ATP6V1H: variants seen among roughly 807,000 people sequenced by gnomAD.
The protein encoded by ATP6V1H is ATPase H+ transporting V1 subunit H.
In ATP6V1H, 39 loss-of-function variants were observed where a neutral mutation model predicts 71.7. The observed-to-expected ratio is 0.54, with a 90% CI of 0.42 to 0.71. The LOEUF (loss-of-function observed/expected upper bound fraction) is 0.71. Ranked by LOEUF, ATP6V1H falls within the 30% of genes least tolerant of loss-of-function variation. ATP6V1H has a pLI of 0.00. For synonymous variants in ATP6V1H, 192 were observed against 199.3 expected, an observed-to-expected ratio of 0.96 and a Z score of 0.31; for missense variants, 509 against 594.9, an observed-to-expected ratio of 0.86 and a Z score of 1.50.
intron 9 of ATP6V1H, among the ~76,000 whole-genome samples, chr8:53,778,447 T>C (rs1808970268): frequency 6.6e-6 from 1 of 152,214 alleles, no homozygotes; most frequent in Admixed American, 6.5e-5. Context: ...TATATAACTG[T>C]ATTTTTGTAC....
intron 9 of ATP6V1H, among the ~76,000 whole-genome samples, chr8:53,795,437 C>T (rs1036006916): frequency 6.6e-6 from 1 of 152,184 alleles, no homozygotes; most frequent in African/African-American, 2.4e-5. Context: ...CTGTAACTCA[C>T]AGATTTCATT....
intron 13 of ATP6V1H, among the ~76,000 whole-genome samples, chr8:53,721,949 G>A (rs1204145864): frequency 1.3e-5 from 2 of 152,176 alleles, no homozygotes; most frequent in South Asian, 2.1e-4. Flanking sequence ...AAGTCTATTC[G>A]AGTCTATTTA....
chr8:53,792,330 A>T (rs958877840), intron 9 of ATP6V1H, among the ~76,000 whole-genome samples: 1 of 152,224 alleles, frequency 6.6e-6, no homozygotes, highest in Non-Finnish European at 1.5e-5. Context: ...TGCCCAGCCC[A>T]ACACCTGGTC....
intron 7 of ATP6V1H, among the ~76,000 whole-genome samples, chr8:53,804,433 C>T (rs1055207327): frequency 8.5e-5 from 13 of 152,126 alleles, no homozygotes; most frequent in African/African-American, 2.7e-4. Context: ...CCAGCACTTT[C>T]GGAGGCCGAG....
At chr8:53,818,306 G>A (rs1810519331) in intron 4 of ATP6V1H, among the ~76,000 whole-genome samples, 1 of 152,062 alleles carries the variant, frequency 6.6e-6, no homozygotes, top group Non-Finnish European at 1.5e-5. Context: ...TCGAGAACAG[G>A]TGGTATTTGT....
At chr8:53,781,657 G>A (rs1333676109) in intron 9 of ATP6V1H, among the ~76,000 whole-genome samples, 2 of 151,842 alleles carry the variant, frequency 1.3e-5, no homozygotes, top group African/African-American at 4.8e-5. Context: ...TTTCTTCTAG[G>A]GTTTTTATGG....
rs944269842 is a variant in ATP6V1H, at chr8:53,829,436, ATACC to A, written c.306+4_306+7del. The A allele has an allele frequency of 3.1e-6, 5 of 1,587,478 alleles. No homozygotes were observed. Among genetic ancestry groups the A allele is most frequent in the Non-Finnish European group, 4.3e-6 (5 of 1,161,336 alleles). On this transcript the variant is annotated splice_donor_5th_base_variant and intron_variant, in intron 4 of 13. Transcript: ENST00000359530. ...TCACCAAATGTGTTAAGTAAAGAAT[ATACC>A]TACCTGCAGCATATCATCCACCATA...
chr8:53,787,475 C>T (rs1180374418), intron 9 of ATP6V1H, among the ~76,000 whole-genome samples: 1 of 152,184 alleles, frequency 6.6e-6, no homozygotes, highest in Non-Finnish European at 1.5e-5. Context: ...AGTGAGTATA[C>T]ATGTGTAGAT....
At chr8:53,716,140 T>C in intron 13 of ATP6V1H, 116 bp from the exon 14 acceptor site, 1 of 748,462 alleles carries the variant, frequency 1.3e-6, no homozygotes, top group Non-Finnish European at 2.1e-6. Context: ...CAAAAATAAC[T>C]AAAAAGTCCT....
intron 2 of ATP6V1H, chr8:53,839,510 C>G (rs1317921049): frequency 1.3e-6 from 1 of 757,008 alleles, no homozygotes; most frequent in African/African-American, 1.9e-5. Context: ...CTTTCACCCC[C>G]ACACACCAAA....
intron 2 of ATP6V1H, among the ~76,000 whole-genome samples, chr8:53,837,225 A>G (rs1811186488): frequency 6.6e-6 from 1 of 152,172 alleles, no homozygotes; most frequent in African/African-American, 2.4e-5. Context: ...ATAGGATGTT[A>G]GTTACCAAGC....
intron 2 of ATP6V1H, among the ~76,000 whole-genome samples, chr8:53,840,898 TATAG>T (rs1239925759): frequency 6.6e-6 from 1 of 152,204 alleles, no homozygotes; most frequent in Non-Finnish European, 1.5e-5. Flanking sequence ...ATGCTCACTT[TATAG>T]ATAAATACAA....
intron 12 of ATP6V1H, among the ~76,000 whole-genome samples, chr8:53,748,562 C>T (rs1807686238): frequency 6.6e-6 from 1 of 152,064 alleles, no homozygotes; most frequent in African/African-American, 2.4e-5. Flanking sequence ...AGCATGTGTA[C>T]CTATACATAG....
chr8:53,719,592 G>A (rs1806546668), intron 13 of ATP6V1H, among the ~76,000 whole-genome samples: 1 of 152,200 alleles, frequency 6.6e-6, no homozygotes, highest in South Asian at 2.1e-4. Flanking sequence ...TGCCATCGAG[G>A]GCCTGAAGCT....
rs142061641 is a variant in ATP6V1H at position 53,797,420 on chromosome 8, A to G, written c.678-1581T>C. 2.3e-3 allele frequency among the ~76,000 whole-genome samples: 349 copies of G among 152,248 alleles called. 3 individuals carry two copies. Among genetic ancestry groups the G allele is most frequent in the African/African-American group, 8.1e-3 (338 of 41,558 alleles). On this transcript the variant is annotated intron_variant, in intron 8 of 13. Coordinates refer to ENST00000359530, the MANE Select transcript of ATP6V1H (RefSeq NM_015941.4). ...GAACAAGCCTCATCACATTTCCTCAAAGATGTCAGCACTAGCCAACTGGCT... is the reference window on the plus strand; with the variant it reads ...GAACAAGCCTCATCACATTTCCTCAGAGATGTCAGCACTAGCCAACTGGCT...
At chr8:53,768,524 GA>G (rs1479163819) in intron 11 of ATP6V1H, among the ~76,000 whole-genome samples, 2 of 152,076 alleles carry the variant, frequency 1.3e-5, no homozygotes, top group Non-Finnish European at 2.9e-5. Context: ...CCAAAAGGTA[GA>G]AACAACCCAA....
intron 11 of ATP6V1H, among the ~76,000 whole-genome samples, chr8:53,765,461 AC>A (rs1808424053): frequency 5.7e-5 from 1 of 17,568 alleles, no homozygotes; most frequent in African/African-American, 8.8e-5. Flanking sequence ...AACAACACAC[AC>A]ACACACACAC....
At chr8:53,816,890 T>C (rs1403640504) in intron 5 of ATP6V1H, among the ~76,000 whole-genome samples, 1 of 152,182 alleles carries the variant, frequency 6.6e-6, no homozygotes, top group Non-Finnish European at 1.5e-5. Flanking sequence ...AAGTAAAATT[T>C]AATTTCTATA....
At chr8:53,734,030 G>A (rs1052763678) in intron 13 of ATP6V1H, among the ~76,000 whole-genome samples, 3 of 152,182 alleles carry the variant, frequency 2.0e-5, no homozygotes, top group African/African-American at 7.2e-5. Flanking sequence ...CAACTGCCCT[G>A]CTAGAACAAA....
Sources: gnomAD v4.1 joint callset for allele counts (sites outside exome capture counted in the v4.1 genomes callset) on GRCh38, gnomAD v4.1.1 for gene constraint, MANE v1.5 for transcripts, NCBI Gene and HGNC (gene_info 2026-07-23, HGNC 2026-07-21) for gene names.